The following PFKP variants were observed in gnomAD, a reference collection of about 807,000 sequenced individuals.
PFKP encodes ATP-dependent 6-phosphofructokinase, platelet type.
A neutral mutation model predicts 94.3 loss-of-function variants in PFKP; 101 were observed. The observed-to-expected ratio is 1.07, with a 90% confidence interval of 0.91 to 1.26. The LOEUF (loss-of-function observed/expected upper bound fraction) is 1.26. Ranked by LOEUF, PFKP falls within the 50% of genes most tolerant of loss-of-function variation. The pLI, the probability that PFKP is intolerant of heterozygous loss-of-function variation, is 0.00. For synonymous variants in PFKP, 573 were observed against 432.6 expected, an observed-to-expected ratio of 1.32 and a Z score of -4.03; for missense variants, 1,145 against 1,103.3, an observed-to-expected ratio of 1.04 and a Z score of -0.53.
Position 3,103,795 on chromosome 10 carries a change from G to A in PFKP, c.471G>A (p.Glu157=), listed in dbSNP as rs779003941. 3 of 1,613,830 alleles carry A rather than the reference G, an allele frequency of 1.9e-6. No individual in the cohort carries two copies. Among genetic ancestry groups the A allele is most frequent in the South Asian group, 2.2e-5 (2 of 91,092 alleles). ...CCCGCGCAGGCCAGATCGATAAGGA[G>A]GCCGTGCAGAAGTACGCCTACCTCA... ...ELARNGQIDK[E]AVQKYAYLNV... The change falls in exon 5 of 22, where the codon GAG becomes GAA. Residue 157 remains glutamate (E), a synonymous_variant. Transcript: ENST00000381125.
chr10:3,100,172 GTC>G (rs1564296614), intron 3 of PFKP, among the ~76,000 whole-genome samples: 1 of 151,744 alleles, frequency 6.6e-6, no homozygotes, highest in Admixed American at 6.6e-5. Context: ...CGGCCACCTC[GTC>G]TCTTTGGTTG....
At chr10:3,099,838 G>A (rs1346446639) in intron 3 of PFKP, among the ~76,000 whole-genome samples, 1 of 151,982 alleles carries the variant, frequency 6.6e-6, no homozygotes, top group Non-Finnish European at 1.5e-5. Context: ...GTGTATCAGT[G>A]AGTCTGTGTT....
Position 3,097,077 on chromosome 10 carries a change from C to CAAAAA in PFKP, c.187-2195_187-2191dup, listed in dbSNP as rs149491756. Among the ~76,000 whole-genome samples the CAAAAA allele has an allele frequency of 5.2e-3, 512 of 98,342 alleles. 63 individuals are homozygous for CAAAAA. The highest frequency in any genetic ancestry group is 0.018 in the African/African-American group (426 of 23,592). The allele number at this position is 98,342 out of a possible 152,430, so 64.5% of individuals were successfully genotyped here. A position where few individuals can be genotyped will look rare whatever the true frequency, so the allele number is the denominator to read the frequency against. On this transcript the variant is annotated intron_variant, in intron 2 of 21. Coordinates refer to ENST00000381125, the MANE Select transcript of PFKP (RefSeq NM_002627.5). ...TGGGTGACACAGCGAGACTCCGTCTCAAAAAAACAAAAAACAAAAAAACCT... is the reference window on the plus strand; with the variant it reads ...TGGGTGACACAGCGAGACTCCGTCTCAAAAAAAAAAAACAAAAAACAAAAAAACCT...
In PFKP at chr10:3,120,395, G is replaced by GTGTGTA. The variant is rs778180191; in HGVS notation, c.1683+355_1683+356insTATGTG. On this transcript the variant is annotated intron_variant, in intron 16 of 21. Coordinates refer to ENST00000381125, the MANE Select transcript of PFKP (RefSeq NM_002627.5). ...TGTGTGTGTGTGTGTGTGTGTGTGT[G>GTGTGTA]TGTGCTGAGCCTAAATTTTCTTTGA... Among the ~76,000 whole-genome samples, 3 of 140,316 alleles carry GTGTGTA rather than the reference G, an allele frequency of 2.1e-5. No homozygotes were observed. In the East Asian group the frequency reaches 6.3e-4, roughly 30 times the overall value. The allele number at this position is 140,316 out of a possible 152,430, so 92.1% of individuals were successfully genotyped here.
chr10:3,117,974 T>C (rs1837001901), intron 14 of PFKP, among the ~76,000 whole-genome samples: 1 of 152,170 alleles, frequency 6.6e-6, no homozygotes, highest in African/African-American at 2.4e-5. Flanking sequence ...AGTACTTCAC[T>C]TCTTCCAATC....
At chr10:3,093,617 A>G (rs1834228053) in intron 2 of PFKP, among the ~76,000 whole-genome samples, 1 of 150,220 alleles carries the variant, frequency 6.7e-6, no homozygotes, top group Non-Finnish European at 1.5e-5. Context: ...GGGTGACGAT[A>G]ACCACAGGAA....
chr10:3,111,862 A>C (rs1384940681), intron 10 of PFKP, among the ~76,000 whole-genome samples: 1 of 152,160 alleles, frequency 6.6e-6, no homozygotes, highest in East Asian at 1.9e-4. Flanking sequence ...CAAATTGAGA[A>C]TTCCTTAGAA....
rs951449455 is a variant in PFKP at position 3,113,352 on chromosome 10, A to C, written c.1225-20A>C. On this transcript the variant is annotated intron_variant, in intron 12 of 21. Coordinates refer to ENST00000381125, the MANE Select transcript of PFKP (RefSeq NM_002627.5). The stretch of plus-strand genomic sequence containing the variant: ...CACGTGTGCCCGTGACCCAGCACTC[A>C]CCTGCCTTCTGTTTTGCAGACCAAT... 1 of 1,575,238 alleles carries C rather than the reference A, an allele frequency of 6.3e-7. No homozygotes were observed. The highest frequency in any genetic ancestry group is 1.3e-5 in the African/African-American group (1 of 74,326).
rs1275915391 is a variant in PFKP at position 3,096,915 on chromosome 10, A to G, written c.187-2360A>G. On this transcript the variant is annotated intron_variant, in intron 2 of 21. Coordinates refer to ENST00000381125, the MANE Select transcript of PFKP (RefSeq NM_002627.5). ...AACACGGTGAAACCCCGTCTCTACT[A>G]AAAATACAAAAAATTAGCCGGGCGT... is the stretch of plus-strand genomic sequence containing the variant. Among the ~76,000 whole-genome samples, 12 of 123,126 alleles carry G rather than the reference A, an allele frequency of 9.7e-5. 1 individual carries two copies. The Middle Eastern group carries it at 0.026, about 265-fold the overall frequency. 80.8% of individuals were successfully genotyped at this position (123,126 alleles called of 152,430 possible).
chr10:3,076,752 A>G (rs934420694), intron 1 of PFKP, among the ~76,000 whole-genome samples: 3 of 152,126 alleles, frequency 2.0e-5, no homozygotes, highest in Admixed American at 6.6e-5. Flanking sequence ...CGAGCTGGAC[A>G]GTGGGTTGGT....
rs1261544863 is a variant in PFKP, at chr10:3,129,618, G to GT, written c.1684-200dup. On this transcript the variant is annotated intron_variant, in intron 16 of 21. Coordinates refer to ENST00000381125, the MANE Select transcript of PFKP (RefSeq NM_002627.5). Reference sequence around the variant, plus strand: ...AGGTCACCTCCAGGTGGCTGCCATGGTGGGGTTGCGGGGGACCACGTTCAC... The same window carrying GT: ...AGGTCACCTCCAGGTGGCTGCCATGGTTGGGGTTGCGGGGGACCACGTTCAC... 6.8e-6 allele frequency: 4 copies of GT among 590,744 alleles called. No homozygotes were observed. The East Asian group carries it at 9.2e-5, about 14-fold the overall frequency. The allele number at this position is 590,744 out of a possible 1,614,324, so 36.6% of individuals were successfully genotyped here.
At chr10:3,098,115 T>A (rs766775584) in intron 2 of PFKP, among the ~76,000 whole-genome samples, 2 of 152,198 alleles carry the variant, frequency 1.3e-5, no homozygotes, top group African/African-American at 2.4e-5. Flanking sequence ...CACTATTGAT[T>A]AATTTATATA....
In PFKP at chr10:3,133,192, G is replaced by A. The variant is rs763162072; in HGVS notation, c.1911-11G>A. The A allele has an allele frequency of 1.2e-5, 20 of 1,604,116 alleles. No individual in the cohort carries two copies. Among genetic ancestry groups the A allele is most frequent in the African/African-American group, 5.4e-5 (4 of 74,742 alleles). On this transcript the variant is annotated splice_polypyrimidine_tract_variant and intron_variant, in intron 18 of 21. Transcript: ENST00000381125. The stretch of plus-strand genomic sequence containing the variant: ...ACGCTAAACAAAGTGACTCCTTCTC[G>A]CTCGTTTCAGAAATGAGAGCTGCAG...
At chr10:3,104,237 G>A (rs1835316352) in intron 5 of PFKP, among the ~76,000 whole-genome samples, 1 of 152,200 alleles carries the variant, frequency 6.6e-6, no homozygotes, top group Admixed American at 6.5e-5. Flanking sequence ...CAGAAGGAGT[G>A]GCAAGCAGGA....
intron 13 of PFKP, among the ~76,000 whole-genome samples, chr10:3,116,274 C>T (rs58449618): frequency 0.041 from 6,220 of 152,268 alleles, 313 homozygotes; most frequent in African/African-American, 0.12. Context: ...CCCAGAATCT[C>T]GTGACCGGAA....
At chr10:3,075,639 A>G (rs920538109) in intron 1 of PFKP, among the ~76,000 whole-genome samples, 1 of 149,006 alleles carries the variant, frequency 6.7e-6, no homozygotes, top group Non-Finnish European at 1.5e-5. Context: ...CCAAGACTCA[A>G]CATCTGTAAT....
chr10:3,068,300 G>A (rs1222237484), intron 1 of PFKP, among the ~76,000 whole-genome samples: 1 of 152,176 alleles, frequency 6.6e-6, no homozygotes, highest in Admixed American at 6.5e-5. Flanking sequence ...GCTGCAATGC[G>A]GGACGCGGCG....
At position 3,116,774 on chromosome 10, in the gene PFKP, A is replaced by T. The variant is rs767572761; in HGVS notation, c.1372-2A>T. On this transcript the variant is annotated splice_acceptor_variant, in intron 13 of 21. Transcript: ENST00000381125. LOFTEE classifies it high-confidence loss of function. ...CTGTTTCGTTCTGTGTTTGCACATT[A>T]GATCAAAGAAATCGGCTGGACAGAT... 1 of 1,612,116 alleles carries T rather than the reference A, an allele frequency of 6.2e-7. No individual in the cohort carries two copies. The highest frequency in any genetic ancestry group is 1.7e-5 in the Admixed American group (1 of 60,024).
chr10:3,084,486 GGT>G (rs1482333078), intron 2 of PFKP, among the ~76,000 whole-genome samples: 1 of 152,126 alleles, frequency 6.6e-6, no homozygotes. Context: ...CTGGTTACGT[GGT>G]TATTGTTTGT....
Sources: allele counts gnomAD v4.1 joint callset (sites outside exome capture counted in the v4.1 genomes callset), GRCh38; gene constraint gnomAD v4.1.1; transcripts MANE v1.5; gene names NCBI Gene and HGNC (gene_info 2026-07-23, HGNC 2026-07-21).